TUB: variants seen among roughly 807,000 people sequenced by gnomAD.
TUB encodes the protein tubby protein homolog.
Under a neutral mutation model 59.7 loss-of-function variants are expected in TUB, and 33 were observed. That is an observed-to-expected ratio of 0.55 (90% CI 0.42 to 0.74). The LOEUF (loss-of-function observed/expected upper bound fraction) is 0.74. Among genes scored for constraint, TUB ranks in the 30% least tolerant of loss-of-function variants. TUB has a pLI of 0.00. For missense variants in TUB, 659 were observed against 672.0 expected, an observed-to-expected ratio of 0.98 and a Z score of 0.21; for synonymous variants, 293 against 256.4, an observed-to-expected ratio of 1.14 and a Z score of -1.36.
chr11:8,059,000 A>G (rs1321072917), intron 2 of TUB, among the ~76,000 whole-genome samples: 1 of 152,222 alleles, frequency 6.6e-6, no homozygotes, highest in African/African-American at 2.4e-5. Context: ...GTTAAATGTC[A>G]CTGTTAACAC....
At chr11:8,065,690 A>C (rs750116520) in intron 2 of TUB, among the ~76,000 whole-genome samples, 1 of 152,180 alleles carries the variant, frequency 6.6e-6, no homozygotes, top group Non-Finnish European at 1.5e-5. Context: ...AAGGGGCAGC[A>C]TGCCCTCTGG....
intron 2 of TUB, among the ~76,000 whole-genome samples, chr11:8,057,011 T>G (rs1307595527): frequency 2.0e-5 from 3 of 152,130 alleles, no homozygotes; most frequent in Non-Finnish European, 2.9e-5. Flanking sequence ...GGAAACAAGC[T>G]GGCTGGATCA....
intron 1 of TUB, among the ~76,000 whole-genome samples, chr11:8,089,052 T>G (rs1293271924): frequency 6.6e-6 from 1 of 152,192 alleles, no homozygotes; most frequent in Non-Finnish European, 1.5e-5. Flanking sequence ...CTGCCCTCTT[T>G]AAGTGGGGAA....
At chr11:8,071,892 C>T (rs1943366326) in intron 2 of TUB, among the ~76,000 whole-genome samples, 1 of 152,212 alleles carries the variant, frequency 6.6e-6, no homozygotes, top group Non-Finnish European at 1.5e-5. Context: ...TCCAGGGAGA[C>T]CCCAGAAATC....
intron 2 of TUB, among the ~76,000 whole-genome samples, chr11:8,050,870 G>T (rs1252466498): frequency 6.6e-6 from 1 of 152,114 alleles, no homozygotes; most frequent in Non-Finnish European, 1.5e-5. Flanking sequence ...CAATAAAATT[G>T]CATCCTTTTG....
At position 8,103,232 on chromosome 11, in the gene TUB, T is replaced by A. The variant is rs958863250; in HGVS notation, c.*1613T>A. ...CGCTATTTCTCCTTGGATGGCACCA[T>A]CCACCCTGCAGGCTTGGGAACTGTA... On this transcript the variant is annotated 3_prime_UTR_variant, in exon 12 of 12. Transcript: ENST00000299506. 6.6e-6 allele frequency: 1 copy of A among 152,232 alleles called. No individual in the cohort carries two copies. Among genetic ancestry groups the A allele is most frequent in the African/African-American group, 2.4e-5 (1 of 41,440 alleles). 9.4% of individuals were successfully genotyped at this position (152,232 alleles called of 1,614,324 possible). A position where few individuals can be genotyped will look rare whatever the true frequency, so the allele number is the denominator to read the frequency against.
At chr11:8,039,624 A>C in intron 1 of TUB, 1 of 1,476,488 alleles carries the variant, frequency 6.8e-7, no homozygotes, top group Non-Finnish European at 9.0e-7. Flanking sequence ...GTGGAGAGTC[A>C]CCCCTTCTTT....
chr11:8,030,598 G>A (rs1564896261), intron 1 of TUB, among the ~76,000 whole-genome samples: 1 of 152,184 alleles, frequency 6.6e-6, no homozygotes, highest in East Asian at 1.9e-4. Flanking sequence ...TCAGAAGTCA[G>A]CAGGCCTTAG....
At chr11:8,100,366 A>G in intron 9 of TUB, 137 bp from the exon 10 acceptor site, 1 of 688,900 alleles carries the variant, frequency 1.5e-6, no homozygotes. Context: ...TGGCCGTGTT[A>G]GGTTTAGAGG....
chr11:8,022,617 C>T (rs1007799466), intron 1 of TUB, among the ~76,000 whole-genome samples: 9 of 152,170 alleles, frequency 5.9e-5, no homozygotes, highest in Admixed American at 2.0e-4. Flanking sequence ...TGGCCAGGCG[C>T]GGTGGCTCAG....
At chr11:8,024,165 T>C (rs1942469462) in intron 1 of TUB, among the ~76,000 whole-genome samples, 1 of 152,248 alleles carries the variant, frequency 6.6e-6, no homozygotes, top group Non-Finnish European at 1.5e-5. Flanking sequence ...TTGTATTACA[T>C]GGTAGATTAT....
chr11:8,091,574 A>G (rs1424553086), intron 3 of TUB, among the ~76,000 whole-genome samples: 1 of 152,222 alleles, frequency 6.6e-6, no homozygotes, highest in African/African-American at 2.4e-5. Flanking sequence ...AACAGACGCC[A>G]AATGGTCTCT....
chr11:8,071,125 C>G (rs993026407), intron 2 of TUB, among the ~76,000 whole-genome samples: 1 of 152,140 alleles, frequency 6.6e-6, no homozygotes, highest in African/African-American at 2.4e-5. Flanking sequence ...CACCTCGACT[C>G]TTTTTCACGG....
At position 8,095,556 on chromosome 11, in the gene TUB, G is replaced by A. The variant is rs752589549; in HGVS notation, c.456G>A (p.Gln152=). 4 of 1,613,176 alleles carry A rather than the reference G, an allele frequency of 2.5e-6. No homozygotes were observed. The Admixed American group carries it at 5.0e-5, about 20-fold the overall frequency. ...AGTCTGAGGCCCAAGGCCCAGTGCA[G>A]ATTCTGACTGTGGGCCAGTCAGACC... ...EDKSEAQGPV[Q]ILTVGQSDHA... Residue 152 remains glutamine, a synonymous_variant, in exon 5 of 12, where the codon CAG becomes CAA. Transcript: ENST00000299506.
intron 2 of TUB, among the ~76,000 whole-genome samples, chr11:8,064,873 G>C (rs575235969): frequency 6.6e-6 from 1 of 152,218 alleles, no homozygotes; most frequent in African/African-American, 2.4e-5. Flanking sequence ...AATTTAAATC[G>C]TGGTATCAAA....
rs766351639 is a variant in TUB, at chr11:8,100,498, C to T, written c.1117-5C>T. The T allele has an allele frequency of 6.2e-7, 1 of 1,613,550 alleles. No individual in the cohort carries two copies. The highest frequency in any genetic ancestry group is 1.1e-5 in the South Asian group (1 of 90,986). On this transcript the variant is annotated splice_polypyrimidine_tract_variant and splice_region_variant and intron_variant, in intron 9 of 11. Transcript: ENST00000299506. ...AGGTGGCCAGTGTTGCGTTCTCTTTCCCAGGAGACAAACGTCTTAGGCTTC... is the reference window on the plus strand; with the variant it reads ...AGGTGGCCAGTGTTGCGTTCTCTTTTCCAGGAGACAAACGTCTTAGGCTTC...
intron 2 of TUB, among the ~76,000 whole-genome samples, chr11:8,073,019 CAGAG>C (rs1185643600): frequency 3.3e-5 from 5 of 152,184 alleles, no homozygotes; most frequent in African/African-American, 1.2e-4. Flanking sequence ...TCATGAAGCA[CAGAG>C]AGAGGACATC....
intron 1 of TUB, among the ~76,000 whole-genome samples, chr11:8,088,982 G>A (rs971469040): frequency 2.0e-5 from 3 of 152,240 alleles, no homozygotes; most frequent in African/African-American, 7.2e-5. Flanking sequence ...CCCAAACCCT[G>A]TAGGCTGAGG....
intron 2 of TUB, among the ~76,000 whole-genome samples, chr11:8,046,155 C>G (rs1423328122): frequency 1.3e-5 from 2 of 152,160 alleles, no homozygotes; most frequent in Admixed American, 1.3e-4. Flanking sequence ...TTCTGGAAAC[C>G]CTTTCCAGGG....
Sources: allele counts gnomAD v4.1 joint callset (sites outside exome capture counted in the v4.1 genomes callset), GRCh38; gene constraint gnomAD v4.1.1; transcripts MANE v1.5; gene names NCBI Gene and HGNC (gene_info 2026-07-23, HGNC 2026-07-21).